Variants in SLC24A2 observed in about 807,000 individuals in gnomAD.
SLC24A2 encodes the protein solute carrier family 24 member 2.
SLC24A2 carries 36 observed loss-of-function variants against 62.0 expected under a neutral mutation model. That is an observed-to-expected ratio of 0.58 (90% CI 0.44 to 0.77). The LOEUF (loss-of-function observed/expected upper bound fraction) is 0.77. Ranked by LOEUF, SLC24A2 falls within the 30% of genes least tolerant of loss-of-function variation. The probability of loss-of-function intolerance (pLI) is 0.00; values close to 1 mark genes in which losing one functional copy is unlikely to be tolerated. For missense variants in SLC24A2, 846 were observed against 817.9 expected, an observed-to-expected ratio of 1.03 and a Z score of -0.42; for synonymous variants, 358 against 294.0, an observed-to-expected ratio of 1.22 and a Z score of -2.23.
chr9:19,772,064 G>A (rs572348766), intron 2 of SLC24A2, among the ~76,000 whole-genome samples: 1 of 152,338 alleles, frequency 6.6e-6, no homozygotes, highest in South Asian at 2.1e-4. Flanking sequence ...TTCTGGGCAA[G>A]AAGTAGGGAA....
the SLC24A2 span, among the ~76,000 whole-genome samples, chr9:20,272,964 G>T: frequency 6.6e-6 from 1 of 152,180 alleles, no homozygotes; most frequent in Admixed American, 6.5e-5. Flanking sequence ...TCCCAGGCTA[G>T]GATCCATTTG....
At chr9:20,082,619 G>A in the SLC24A2 span, among the ~76,000 whole-genome samples, 1 of 152,208 alleles carries the variant, frequency 6.6e-6, no homozygotes, top group East Asian at 1.9e-4. Flanking sequence ...AGCGTGAGAT[G>A]TAAATGTTCT....
chr9:19,692,949 AG>A (rs1276573594), intron 2 of SLC24A2, among the ~76,000 whole-genome samples: 1 of 152,124 alleles, frequency 6.6e-6, no homozygotes, highest in Non-Finnish European at 1.5e-5. Flanking sequence ...ATTTGACCTT[AG>A]GCAAGTCACT....
chr9:19,873,536 C>CTTTCTT, the SLC24A2 span, among the ~76,000 whole-genome samples: 35 of 137,128 alleles, frequency 2.6e-4, no homozygotes, highest in South Asian at 6.2e-3. Context: ...TCCTTTCTTT[C>CTTTCTT]TCTTTCTTTC....
At chr9:20,251,814 C>T in the SLC24A2 span, among the ~76,000 whole-genome samples, 3 of 152,222 alleles carry the variant, frequency 2.0e-5, no homozygotes, top group African/African-American at 7.2e-5. Flanking sequence ...TCACCCACAA[C>T]ATATCAGTTG....
intron 2 of SLC24A2, among the ~76,000 whole-genome samples, chr9:19,665,821 C>A (rs989058622): frequency 6.6e-6 from 1 of 151,362 alleles, no homozygotes; most frequent in Non-Finnish European, 1.5e-5. Flanking sequence ...AGTGCATTCA[C>A]ATATATATAT....
chr9:20,177,435 A>T, the SLC24A2 span, among the ~76,000 whole-genome samples: 1 of 152,124 alleles, frequency 6.6e-6, no homozygotes, highest in Admixed American at 6.6e-5. Flanking sequence ...GCAGAAAAAT[A>T]CCTACTCTAC....
intron 8 of SLC24A2, among the ~76,000 whole-genome samples, chr9:19,549,498 T>C (rs1367138452): frequency 6.6e-6 from 1 of 152,206 alleles, no homozygotes; most frequent in Non-Finnish European, 1.5e-5. Context: ...CTTCTGTCAC[T>C]GCAACATTCA....
chr9:20,028,356 A>G, the SLC24A2 span, among the ~76,000 whole-genome samples: 4 of 152,228 alleles, frequency 2.6e-5, no homozygotes, highest in Non-Finnish European at 1.5e-5. Context: ...ACTCTGCTGC[A>G]TAAGAGGGGT....
At chr9:20,199,837 G>C in the SLC24A2 span, among the ~76,000 whole-genome samples, 1 of 150,186 alleles carries the variant, frequency 6.7e-6, no homozygotes, top group African/African-American at 2.5e-5. Flanking sequence ...ACGTGCCTCA[G>C]CCTCCTGAGG....
chr9:20,016,502 C>T, the SLC24A2 span, among the ~76,000 whole-genome samples: 2 of 152,150 alleles, frequency 1.3e-5, no homozygotes, highest in Admixed American at 1.3e-4. Context: ...CACCCATATC[C>T]ATTCACTACC....
the SLC24A2 span, among the ~76,000 whole-genome samples, chr9:20,304,362 T>C: frequency 6.6e-6 from 1 of 152,198 alleles, no homozygotes; most frequent in Non-Finnish European, 1.5e-5. Flanking sequence ...AGTGATCTTT[T>C]TTTGAAGGGT....
chr9:19,584,906 ATAAAG>A (rs1563982618), intron 5 of SLC24A2, among the ~76,000 whole-genome samples: 1 of 152,196 alleles, frequency 6.6e-6, no homozygotes, highest in African/African-American at 2.4e-5. Flanking sequence ...TTACTCTGTA[ATAAAG>A]TATTTTGTAA....
chr9:20,244,756 T>C, the SLC24A2 span, among the ~76,000 whole-genome samples: 120 of 152,332 alleles, frequency 7.9e-4, no homozygotes, highest in Admixed American at 6.9e-3. Context: ...GAAGGTATTA[T>C]ACAATAACAG....
At chr9:20,184,274 G>T in the SLC24A2 span, among the ~76,000 whole-genome samples, 1 of 152,212 alleles carries the variant, frequency 6.6e-6, no homozygotes, top group Non-Finnish European at 1.5e-5. Flanking sequence ...GATAGGCTGG[G>T]TGCAGAGGCT....
In SLC24A2 at chr9:19,714,040, C is replaced by T. The variant is rs190592090; in HGVS notation, c.930+71897G>A. Among the ~76,000 whole-genome samples the T allele has an allele frequency of 7.2e-4, 109 of 152,232 alleles. 2 individuals carry two copies. The highest frequency in any genetic ancestry group is 1.2e-3 in the Non-Finnish European group (81 of 68,028). On this transcript the variant is annotated intron_variant, in intron 2 of 10. Transcript: ENST00000341998. Reference sequence around the variant, plus strand: ...TAATACCTCAGTTCCTAAAAATCTCCGGGGACTAAGAACTTCTGGATATAT... The same window carrying T: ...TAATACCTCAGTTCCTAAAAATCTCTGGGGACTAAGAACTTCTGGATATAT...
At chr9:19,908,853 G>C in the SLC24A2 span, among the ~76,000 whole-genome samples, 1 of 152,110 alleles carries the variant, frequency 6.6e-6, no homozygotes, top group East Asian at 1.9e-4. Flanking sequence ...AGAGGCTGTG[G>C]AGAAATAGGA....
the SLC24A2 span, among the ~76,000 whole-genome samples, chr9:20,300,904 G>A: frequency 5.3e-5 from 8 of 152,196 alleles, no homozygotes; most frequent in Non-Finnish European, 8.8e-5. Context: ...CCTGCCTGCT[G>A]TTGCAAACCC....
intron 2 of SLC24A2, among the ~76,000 whole-genome samples, chr9:19,720,824 T>C: frequency 6.7e-6 from 1 of 149,420 alleles, no homozygotes; most frequent in South Asian, 2.1e-4. Context: ...ACAATTTGTG[T>C]ATATGTGGAA....
Sources: gnomAD v4.1 joint callset for allele counts (sites outside exome capture counted in the v4.1 genomes callset) on GRCh38, gnomAD v4.1.1 for gene constraint, MANE v1.5 for transcripts, NCBI Gene and HGNC (gene_info 2026-07-23, HGNC 2026-07-21) for gene names.